PCSK1: variants seen among roughly 807,000 people sequenced by gnomAD.
The protein encoded by PCSK1 is neuroendocrine convertase 1.
PCSK1 carries 56 observed loss-of-function variants against 90.6 expected under a neutral mutation model. The observed-to-expected ratio is 0.62, with a 90% confidence interval of 0.50 to 0.77. The LOEUF (loss-of-function observed/expected upper bound fraction) is 0.77. PCSK1 is among the 30% of genes least tolerant of loss of function. The probability of loss-of-function intolerance (pLI) is 0.00; values close to 1 mark genes in which losing one functional copy is unlikely to be tolerated. For synonymous variants in PCSK1, 348 were observed against 342.4 expected, an observed-to-expected ratio of 1.02 and a Z score of -0.18; for missense variants, 801 against 932.6, an observed-to-expected ratio of 0.86 and a Z score of 1.84.
chr5:96,393,415 T>C (rs1286304683), intron 13 of PCSK1, 37 bp from the exon 14 acceptor site: 6 of 1,611,932 alleles, frequency 3.7e-6, no homozygotes, highest in Non-Finnish European at 5.1e-6. Context: ...GGGAAGAAGG[T>C]TCATTATTTA....
intron 5 of PCSK1, among the ~76,000 whole-genome samples, chr5:96,416,851 T>A (rs865843865): frequency 1.3e-5 from 2 of 152,214 alleles, no homozygotes; most frequent in African/African-American, 2.4e-5. Context: ...GAAAAATGCG[T>A]CTTCCAAACA....
chr5:96,411,116 C>A, intron 7 of PCSK1, 130 bp from the exon 8 acceptor site: 1 of 772,358 alleles, frequency 1.3e-6, no homozygotes, highest in South Asian at 1.5e-5. Flanking sequence ...ATTTTCAATT[C>A]CAGATCTTTT....
Position 96,410,844 on chromosome 5 carries a change from CAGGGGGAT to C in PCSK1, c.1017_1024del (p.Ser340ValfsTer3). The C allele has an allele frequency of 1.2e-6, 2 of 1,614,046 alleles. No individual in the cohort carries two copies. Among genetic ancestry groups the C allele is most frequent in the Non-Finnish European group, 1.7e-6 (2 of 1,179,982 alleles). On this transcript the variant is annotated frameshift_variant, in exon 8 of 14. Transcript: ENST00000311106. LOFTEE classifies it high-confidence loss of function. ...TGTGGAGGAGCACTTCTCAGCGTAC[CAGGGGGAT>C]AGGCCTTGCTGGGAGGCACTGCTGA...
chr5:96,397,615 C>A (rs1760204060), intron 11 of PCSK1, 146 bp from the exon 12 acceptor site: 2 of 701,628 alleles, frequency 2.9e-6, no homozygotes, highest in Admixed American at 2.4e-5. Flanking sequence ...GAGACACTCA[C>A]AAGGAAAAAA....
chr5:96,429,244 T>C lies in PCSK1; in HGVS notation c.254A>G (p.His85Arg). 4 of 1,595,648 alleles carry C rather than the reference T, an allele frequency of 2.5e-6. No homozygotes were observed. The highest frequency in any genetic ancestry group is 2.6e-6 in the Non-Finnish European group (3 of 1,163,320). Residue 85 changes from histidine (H) to arginine (R), a missense_variant, in exon 2 of 14, where the codon CAT becomes CGT. Physicochemically the swap from His to Arg is conservative, Grantham distance 29 (BLOSUM62 0). Transcript: ENST00000311106. ...ATCATCAGATAATCTCTTAGTGATA[T>C]GAAAGGCACTCCTTCGAGACCTTCT... ...HPRRSRRSAFHITKRLSDDDR... is the reference protein window; with the variant it reads ...HPRRSRRSAFRITKRLSDDDR...
rs1370393094 is a variant in PCSK1, at chr5:96,433,122, C to G, written c.-80G>C. ...ATAGGAGAAAAGCCAGACAGACTCCCCCTTCCCACCCTCGGGCTCTAGACC... is the reference window on the plus strand; with the variant it reads ...ATAGGAGAAAAGCCAGACAGACTCCGCCTTCCCACCCTCGGGCTCTAGACC... On this transcript the variant is annotated 5_prime_UTR_variant, in exon 1 of 14. Transcript: ENST00000311106. 4.5e-6 allele frequency: 6 copies of G among 1,323,654 alleles called. No individual in the cohort carries two copies. In the South Asian group the frequency reaches 5.9e-5, roughly 13 times the overall value. 82.0% of individuals were successfully genotyped at this position (1,323,654 alleles called of 1,614,324 possible).
intron 7 of PCSK1, 68 bp from the exon 8 acceptor site, chr5:96,411,054 A>C: frequency 9.1e-7 from 1 of 1,095,998 alleles, no homozygotes; most frequent in Non-Finnish European, 1.4e-6. Flanking sequence ...ATCCCAATAA[A>C]ATCCCCAACG....
At chr5:96,416,317 A>G (rs577682916) in intron 5 of PCSK1, among the ~76,000 whole-genome samples, 196 bp from the exon 6 acceptor site, 38 of 152,342 alleles carry the variant, frequency 2.5e-4, no homozygotes, top group African/African-American at 8.4e-4. Flanking sequence ...AAAGTATGTG[A>G]TTTCAAATTC....
chr5:96,414,136 C>CT (rs1760868114), intron 6 of PCSK1, among the ~76,000 whole-genome samples: 1 of 133,392 alleles, frequency 7.5e-6, no homozygotes, highest in South Asian at 2.3e-4. Flanking sequence ...GAGACTCTGT[C>CT]TAAAAAAAAA....
intron 5 of PCSK1, among the ~76,000 whole-genome samples, chr5:96,418,275 A>G (rs1760997878): frequency 6.6e-6 from 1 of 152,252 alleles, no homozygotes; most frequent in Non-Finnish European, 1.5e-5. Context: ...GAGGTGCTGC[A>G]GTAAAGAACT....
intron 4 of PCSK1, among the ~76,000 whole-genome samples, chr5:96,422,959 A>G (rs1036450287): frequency 2.1e-5 from 3 of 145,330 alleles, no homozygotes; most frequent in African/African-American, 8.6e-5. Context: ...GTGAGGAGGG[A>G]AACTGTGACA....
intron 9 of PCSK1, among the ~76,000 whole-genome samples, chr5:96,405,189 C>T (rs1409030408): frequency 6.6e-6 from 1 of 152,148 alleles, no homozygotes; most frequent in Non-Finnish European, 1.5e-5. Context: ...ATAGATCAGT[C>T]ATACTTATCT....
chr5:96,393,966 A>G (rs1190700102), intron 13 of PCSK1, among the ~76,000 whole-genome samples: 1 of 152,200 alleles, frequency 6.6e-6, no homozygotes, highest in South Asian at 2.1e-4. Context: ...CAACACTGAC[A>G]AGGTTAACCT....
intron 7 of PCSK1, among the ~76,000 whole-genome samples, chr5:96,411,953 G>A (rs1319953794): frequency 6.6e-6 from 1 of 152,088 alleles, no homozygotes. Flanking sequence ...GGGACTATAG[G>A]CATCTAAGTT....
chr5:96,432,747 C>G (rs1761545481), intron 1 of PCSK1, 116 bp downstream of exon 1: 1 of 805,594 alleles, frequency 1.2e-6, no homozygotes, highest in African/African-American at 1.7e-5. Flanking sequence ...GCTCCTTGCT[C>G]TTTGCTACTC....
At chr5:96,397,032 T>C (rs1486668529) in intron 12 of PCSK1, among the ~76,000 whole-genome samples, 1 of 152,224 alleles carries the variant, frequency 6.6e-6, no homozygotes, top group Non-Finnish European at 1.5e-5. Context: ...TTTTGTTGGC[T>C]GAATAGGTTA....
At chr5:96,430,361 G>C (rs560702521) in intron 1 of PCSK1, among the ~76,000 whole-genome samples, 1 of 152,174 alleles carries the variant, frequency 6.6e-6, no homozygotes, top group African/African-American at 2.4e-5. Flanking sequence ...CAGAAGAAAC[G>C]TGTTCTTTAA....
intron 5 of PCSK1, among the ~76,000 whole-genome samples, chr5:96,417,628 C>T (rs898198037): frequency 9.2e-5 from 14 of 152,144 alleles, no homozygotes; most frequent in Non-Finnish European, 1.3e-4. Context: ...AAACAGAGTG[C>T]TTGGTGTCCT....
chr5:96,408,349 A>C (rs780845318), intron 8 of PCSK1, 26 bp from the exon 9 acceptor site: 1 of 1,557,474 alleles, frequency 6.4e-7, no homozygotes, highest in Non-Finnish European at 8.9e-7. Context: ...AAGGAGAGAA[A>C]GGCAGGGAGA....
Sources: allele counts gnomAD v4.1 joint callset (sites outside exome capture counted in the v4.1 genomes callset), GRCh38; gene constraint gnomAD v4.1.1; transcripts MANE v1.5; gene names NCBI Gene and HGNC (gene_info 2026-07-23, HGNC 2026-07-21).